The following CTNNA3 variants were observed in gnomAD, a reference collection of about 807,000 sequenced individuals.
The protein encoded by CTNNA3 is catenin alpha 3.
Under a neutral mutation model 95.7 loss-of-function variants are expected in CTNNA3, and 76 were observed. That is an observed-to-expected ratio of 0.79 (90% CI 0.66 to 0.96). The LOEUF (loss-of-function observed/expected upper bound fraction) is 0.96. CTNNA3 is among the 40% of genes least tolerant of loss of function. CTNNA3 has a pLI of 0.00. For missense variants in CTNNA3, 1,191 were observed against 1,089.8 expected, an observed-to-expected ratio of 1.09 and a Z score of -1.31; for synonymous variants, 431 against 374.4, an observed-to-expected ratio of 1.15 and a Z score of -1.74.
chr10:66,603,354 A>G (rs1469179447), intron 10 of CTNNA3, among the ~76,000 whole-genome samples: 1 of 152,116 alleles, frequency 6.6e-6, no homozygotes, highest in Non-Finnish European at 1.5e-5. Context: ...CTAAAAATAT[A>G]TATCACACAT....
At chr10:67,080,581 C>T in intron 7 of CTNNA3, among the ~76,000 whole-genome samples, 1 of 151,954 alleles carries the variant, frequency 6.6e-6, no homozygotes, top group South Asian at 2.1e-4. Flanking sequence ...ATTCAATAGG[C>T]ATCATCTTCA....
Position 66,034,544 on chromosome 10 carries a change from A to G in CTNNA3, c.2159+34764T>C, listed in dbSNP as rs542445404. ...TCAGTGACAGGAAAATAGCATGTTTATTTAGATGATTCAAAAGCTAGCTTC... is the reference window on the plus strand; with the variant it reads ...TCAGTGACAGGAAAATAGCATGTTTGTTTAGATGATTCAAAAGCTAGCTTC... On this transcript the variant is annotated intron_variant, in intron 15 of 17. Transcript: ENST00000433211. Among the ~76,000 whole-genome samples, 4 of 152,322 alleles carry G rather than the reference A, an allele frequency of 2.6e-5. No individual in the cohort carries two copies. The South Asian group carries it at 8.3e-4, about 32-fold the overall frequency.
chr10:66,218,518 A>G (rs1454594456), intron 13 of CTNNA3, among the ~76,000 whole-genome samples: 2 of 152,210 alleles, frequency 1.3e-5, no homozygotes, highest in Admixed American at 1.3e-4. Context: ...CCACATGAGC[A>G]AACTTGAAAG....
chr10:67,557,418 T>C (rs1478506212), intron 3 of CTNNA3, among the ~76,000 whole-genome samples: 2 of 152,224 alleles, frequency 1.3e-5, no homozygotes, highest in African/African-American at 4.8e-5. Context: ...CTTTGTTCTA[T>C]CTCTATGCTC....
intron 13 of CTNNA3, among the ~76,000 whole-genome samples, chr10:66,271,659 C>A (rs975889702): frequency 1.3e-5 from 2 of 152,122 alleles, no homozygotes; most frequent in Non-Finnish European, 2.9e-5. Context: ...AGATGCTTGG[C>A]TCCTTATATT....
At chr10:67,136,025 G>A (rs1298591976) in intron 7 of CTNNA3, among the ~76,000 whole-genome samples, 1 of 152,070 alleles carries the variant, frequency 6.6e-6, no homozygotes, top group Non-Finnish European at 1.5e-5. Context: ...GGAGAACAAG[G>A]TCATTTTAAC....
At chr10:66,822,701 A>G (rs1842344709) in intron 7 of CTNNA3, among the ~76,000 whole-genome samples, 1 of 152,204 alleles carries the variant, frequency 6.6e-6, no homozygotes, top group African/African-American at 2.4e-5. Context: ...AAAGAAAGTT[A>G]CTGCTTTTAC....
At chr10:67,428,637 T>C (rs1049254522) in intron 5 of CTNNA3, among the ~76,000 whole-genome samples, 2 of 152,032 alleles carry the variant, frequency 1.3e-5, no homozygotes, top group Admixed American at 1.3e-4. Context: ...GGGATACAGA[T>C]TATTAATCCT....
intron 7 of CTNNA3, among the ~76,000 whole-genome samples, chr10:67,125,664 T>C (rs1051932685): frequency 6.6e-6 from 1 of 152,190 alleles, no homozygotes; most frequent in East Asian, 1.9e-4. Context: ...CGTAAACGCA[T>C]ATAACTTACA....
intron 5 of CTNNA3, among the ~76,000 whole-genome samples, chr10:67,440,869 C>T (rs1846485566): frequency 6.6e-6 from 1 of 151,988 alleles, no homozygotes; most frequent in South Asian, 2.1e-4. Flanking sequence ...ACAATAAATA[C>T]CTAACTCTTC....
intron 13 of CTNNA3, among the ~76,000 whole-genome samples, chr10:66,251,327 A>G (rs755483561): frequency 2.0e-5 from 3 of 151,744 alleles, no homozygotes; most frequent in Non-Finnish European, 4.4e-5. Context: ...AAAAAATCTG[A>G]TACTTGACAA....
At chr10:67,027,591 T>G (rs1853471910) in intron 7 of CTNNA3, among the ~76,000 whole-genome samples, 1 of 151,906 alleles carries the variant, frequency 6.6e-6, no homozygotes, top group African/African-American at 2.4e-5. Flanking sequence ...TGCGCCACCA[T>G]GCCCAGCTAA....
intron 3 of CTNNA3, among the ~76,000 whole-genome samples, chr10:67,600,041 C>T (rs2133365945): frequency 6.6e-6 from 1 of 151,804 alleles, no homozygotes; most frequent in East Asian, 1.9e-4. Flanking sequence ...CTAAGTAGAC[C>T]CATACATATA....
At chr10:66,242,414 G>A (rs368175266) in intron 13 of CTNNA3, among the ~76,000 whole-genome samples, 15 of 152,152 alleles carry the variant, frequency 9.9e-5, no homozygotes, top group Middle Eastern at 3.4e-3. Context: ...GATTGGAGAC[G>A]AAAATGATAT....
intron 12 of CTNNA3, among the ~76,000 whole-genome samples, chr10:66,304,019 A>G (rs1173585203): frequency 1.3e-5 from 2 of 152,206 alleles, no homozygotes; most frequent in Admixed American, 6.5e-5. Flanking sequence ...GTAAACTAAG[A>G]AAAGATGAAA....
intron 5 of CTNNA3, among the ~76,000 whole-genome samples, chr10:67,445,910 G>A (rs1846726430): frequency 6.6e-6 from 1 of 152,184 alleles, no homozygotes; most frequent in Non-Finnish European, 1.5e-5. Context: ...CCTGAGGGCA[G>A]AGAAAGCTTC....
chr10:66,329,805 T>C (rs1413916649), intron 12 of CTNNA3, among the ~76,000 whole-genome samples: 1 of 152,114 alleles, frequency 6.6e-6, no homozygotes, highest in African/African-American at 2.4e-5. Flanking sequence ...CTTTATTTAC[T>C]TTATATAATA....
chr10:66,621,132 T>G (rs1589509944), intron 10 of CTNNA3, among the ~76,000 whole-genome samples: 1 of 152,076 alleles, frequency 6.6e-6, no homozygotes, highest in South Asian at 2.1e-4. Flanking sequence ...ATACCTTCTT[T>G]GATAAAAGAA....
chr10:66,203,320 G>GT (rs1345640341), intron 13 of CTNNA3, among the ~76,000 whole-genome samples: 1 of 152,132 alleles, frequency 6.6e-6, no homozygotes, highest in Non-Finnish European at 1.5e-5. Context: ...GAGCAAGATT[G>GT]TAAGTATAAA....
Sources: gnomAD v4.1 joint callset for allele counts (sites outside exome capture counted in the v4.1 genomes callset) on GRCh38, gnomAD v4.1.1 for gene constraint, MANE v1.5 for transcripts, NCBI Gene and HGNC (gene_info 2026-07-23, HGNC 2026-07-21) for gene names.